The following CUEDC1 variants were observed in gnomAD, a reference collection of about 807,000 sequenced individuals.
The protein encoded by CUEDC1 is CUE domain containing 1, also known as CUE domain-containing protein 1.
Under a neutral mutation model 43.7 loss-of-function variants are expected in CUEDC1, and 30 were observed. The observed-to-expected ratio is 0.69, with a 90% CI of 0.51 to 0.93. CUEDC1 has a LOEUF of 0.93. Among genes scored for constraint, CUEDC1 ranks in the 40% least tolerant of loss-of-function variants. The pLI, the probability that CUEDC1 is intolerant of heterozygous loss-of-function variation, is 0.00. For missense variants in CUEDC1, 486 were observed against 549.0 expected (o/e 0.89, Z 1.15); for synonymous variants, 223 against 223.6 (o/e 1.00, Z 0.02).
intron 1 of CUEDC1, among the ~76,000 whole-genome samples, chr17:57,952,182 C>T (rs1437113509): frequency 6.6e-6 from 1 of 151,900 alleles, no homozygotes. Context: ...TTAGGGTCTC[C>T]AATGCCCTTC....
At chr17:57,944,748 C>T (rs1489823185) in intron 1 of CUEDC1, among the ~76,000 whole-genome samples, 1 of 152,236 alleles carries the variant, frequency 6.6e-6, no homozygotes, top group African/African-American at 2.4e-5. Context: ...ACATTTCACA[C>T]TTTAACACAC....
At chr17:57,917,041 T>G (rs555013440) in intron 1 of CUEDC1, among the ~76,000 whole-genome samples, 84 of 152,146 alleles carry the variant, frequency 5.5e-4, no homozygotes, top group African/African-American at 1.9e-3. Context: ...AAGAGAAAGG[T>G]GAGCAGGCTA....
chr17:57,930,990 G>T lies in CUEDC1; in HGVS notation c.-316+24235C>A, dbSNP rs114647485. ...TCCATTTCTGGCACAAGGACTGAAT[G>T]ACTTATTAAAGGAGCTGGCCGGGTG... On this transcript the variant is annotated intron_variant, in intron 1 of 10. Transcript: ENST00000577830. This position sits in a 1 kb window ranked among gnomAD's most constrained non-coding sequence, Gnocchi z 4.2. Among the ~76,000 whole-genome samples the T allele has an allele frequency of 6.6e-6, 1 of 152,282 alleles. No homozygotes were observed. Among genetic ancestry groups the T allele is most frequent in the African/African-American group, 2.4e-5 (1 of 41,556 alleles).
intron 1 of CUEDC1, among the ~76,000 whole-genome samples, chr17:57,898,678 G>T (rs947265782): frequency 1.3e-5 from 2 of 152,162 alleles, no homozygotes; most frequent in Non-Finnish European, 2.9e-5. Flanking sequence ...GTTCCAAGGG[G>T]CTGATTCTAG....
rs904282671 is a variant in CUEDC1, at chr17:57,899,718, A to C, written c.-315-13839T>G. On this transcript the variant is annotated intron_variant, in intron 1 of 10. Coordinates refer to ENST00000577830, the MANE Select transcript of CUEDC1 (RefSeq NM_001271875.2). ...GCCCTCGCAGCCATAGGACACAGAC[A>C]ACACTTTAGGATTTTTTTTGAACCG... Among the ~76,000 whole-genome samples the C allele has an allele frequency of 4.6e-5, 7 of 152,184 alleles. No homozygotes were observed. The South Asian group carries it at 1.5e-3, about 32-fold the overall frequency.
chr17:57,928,342 G>T (rs2074768728), intron 1 of CUEDC1, among the ~76,000 whole-genome samples: 2 of 152,160 alleles, frequency 1.3e-5, no homozygotes, highest in South Asian at 4.2e-4. Context: ...CAGGTCAGGA[G>T]ATCGAGACCA....
intron 1 of CUEDC1, among the ~76,000 whole-genome samples, chr17:57,935,764 T>G (rs2074855999): frequency 6.6e-6 from 1 of 152,156 alleles, no homozygotes; most frequent in South Asian, 2.1e-4. Flanking sequence ...CCTCAGCGCC[T>G]GGCCGTCCCA....
In CUEDC1 at chr17:57,906,459, A is replaced by G. The variant is rs73314258; in HGVS notation, c.-315-20580T>C. Among the ~76,000 whole-genome samples, 1,175 of 152,338 alleles carry G rather than the reference A, an allele frequency of 7.7e-3. 14 individuals are homozygous for G. Among genetic ancestry groups the G allele is most frequent in the African/African-American group, 0.027 (1,110 of 41,578 alleles). On this transcript the variant is annotated intron_variant, in intron 1 of 10. Coordinates refer to ENST00000577830, the MANE Select transcript of CUEDC1 (RefSeq NM_001271875.2). ...AGAGGTTTCCAAGGACTCAGGGAAG[A>G]GGGAGAATTGGGGACTTATTACTTA...
In CUEDC1 at chr17:57,885,210, A is replaced by C; in HGVS notation, c.336+19T>G. On this transcript the variant is annotated intron_variant, in intron 2 of 10. Coordinates refer to ENST00000577830, the MANE Select transcript of CUEDC1 (RefSeq NM_001271875.2). ...CTGTCCTCCAGTGGTGGTTGGAATT[A>C]CCCGGGCTGCGCCCCTACCTCCGGG... 6.5e-7 allele frequency: 1 copy of C among 1,537,974 alleles called. No homozygotes were observed. Among genetic ancestry groups the C allele is most frequent in the African/African-American group, 1.4e-5 (1 of 71,966 alleles).
chr17:57,954,793 G>A lies in CUEDC1; in HGVS notation c.-316+432C>T, dbSNP rs2075040610. ...GTCGCCGCCCAGCCTGCGCCCCCAG[G>A]CCCGGGCACTGCGGGGAGGGGCGCC... is the stretch of plus-strand genomic sequence containing the variant. On this transcript the variant is annotated intron_variant, in intron 1 of 10. Transcript: ENST00000577830. The surrounding 1 kb of genome is among the most constrained non-coding windows in gnomAD (Gnocchi z 4.3). 6.6e-6 allele frequency among the ~76,000 whole-genome samples: 1 copy of A among 152,110 alleles called. No individual in the cohort carries two copies. The highest frequency in any genetic ancestry group is 2.4e-5 in the African/African-American group (1 of 41,442).
At chr17:57,916,118 T>A (rs2074637459) in intron 1 of CUEDC1, among the ~76,000 whole-genome samples, 1 of 152,214 alleles carries the variant, frequency 6.6e-6, no homozygotes, top group Non-Finnish European at 1.5e-5. Context: ...GGCCTCACCC[T>A]CAAGGTCCCA....
chr17:57,922,670 A>G (rs190822245), intron 1 of CUEDC1: 23 of 152,260 alleles, frequency 1.5e-4, no homozygotes, highest in Admixed American at 1.4e-3. Flanking sequence ...TCTCATATGA[A>G]AGACAGGAAG....
At chr17:57,909,771 T>C (rs561533041) in intron 1 of CUEDC1, among the ~76,000 whole-genome samples, 1 of 152,322 alleles carries the variant, frequency 6.6e-6, no homozygotes, top group South Asian at 2.1e-4. Flanking sequence ...CCCTGTTCCC[T>C]GTCCTGAGTG....
intron 1 of CUEDC1, among the ~76,000 whole-genome samples, chr17:57,896,775 T>C (rs997337038): frequency 7.1e-5 from 10 of 141,286 alleles, no homozygotes; most frequent in Non-Finnish European, 1.1e-4. Context: ...TTCTTTTTTT[T>C]TTTTTTTTTT....
chr17:57,898,561 T>C (rs1469354680), intron 1 of CUEDC1, among the ~76,000 whole-genome samples: 1 of 152,128 alleles, frequency 6.6e-6, no homozygotes, highest in Non-Finnish European at 1.5e-5. Context: ...CTGCAGGGGA[T>C]TGACTGTGGT....
intron 9 of CUEDC1, chr17:57,867,153 A>C: frequency 1.6e-6 from 1 of 614,206 alleles, no homozygotes; most frequent in Non-Finnish European, 3.0e-6. Flanking sequence ...AAGTAGGGCT[A>C]GGGCCCCTTT....
chr17:57,953,550 G>A (rs1310503963), intron 1 of CUEDC1, among the ~76,000 whole-genome samples: 2 of 152,210 alleles, frequency 1.3e-5, no homozygotes, highest in African/African-American at 2.4e-5. Context: ...CTAGGGCAGA[G>A]GTCTCAATGG....
intron 2 of CUEDC1, among the ~76,000 whole-genome samples, chr17:57,884,783 A>C (rs1161654659): frequency 1.3e-5 from 2 of 152,218 alleles, no homozygotes; most frequent in Non-Finnish European, 2.9e-5. Flanking sequence ...TCTGGCCGTC[A>C]GTACCCGACT....
rs780125676 is a variant in CUEDC1 at position 57,885,331 on chromosome 17, G to A, written c.234C>T (p.Asp78=). The A allele has an allele frequency of 1.2e-6, 2 of 1,611,802 alleles. No individual in the cohort carries two copies. The highest frequency in any genetic ancestry group is 1.7e-5 in the Admixed American group (1 of 59,776). ...CVLRANSGAV[D]ATIDQLLQMN... ...TCTGCAGCAGCTGGTCGATGGTGGC[G>A]TCCACAGCGCCGCTGTTGGCGCGCA... Residue 78 remains aspartate, a synonymous_variant, in exon 2 of 11, where the codon GAC becomes GAT. Coordinates refer to ENST00000577830, the MANE Select transcript of CUEDC1 (RefSeq NM_001271875.2).
Sources: allele counts gnomAD v4.1 joint callset (sites outside exome capture counted in the v4.1 genomes callset), GRCh38; gene constraint gnomAD v4.1.1; non-coding constraint Gnocchi (gnomAD v3.1); transcripts MANE v1.5; gene names NCBI Gene and HGNC (gene_info 2026-07-23, HGNC 2026-07-21).